Variants in HMCN1 observed in about 807,000 individuals in gnomAD.
The protein encoded by HMCN1 is hemicentin 1.
A neutral mutation model predicts 625.9 loss-of-function variants in HMCN1; 321 were observed. The observed-to-expected ratio is 0.51, with a 90% confidence interval of 0.47 to 0.56. The LOEUF is 0.56. HMCN1 is among the 20% of genes least tolerant of loss of function. The pLI, the probability that HMCN1 is intolerant of heterozygous loss-of-function variation, is 0.00. For missense variants in HMCN1, 6,588 were observed against 6,887.3 expected (o/e 0.96, Z 1.54); for synonymous variants, 2,425 against 2,417.6 (o/e 1.00, Z -0.09).
intron 49 of HMCN1, among the ~76,000 whole-genome samples, chr1:186,065,832 C>A (rs6425015): frequency 0.63 from 96,187 of 151,940 alleles, 32,646 homozygotes; most frequent in African/African-American, 0.9. Flanking sequence ...TGATGAAATA[C>A]CTGTCTGTTG....
chr1:186,155,866 G>A (rs1357485676), intron 97 of HMCN1, among the ~76,000 whole-genome samples: 1 of 152,274 alleles, frequency 6.6e-6, no homozygotes, highest in Non-Finnish European at 1.5e-5. Context: ...GTTCTGTCTA[G>A]ACTAGAGCTA....
At chr1:186,148,310 A>C (rs186944286) in intron 93 of HMCN1, among the ~76,000 whole-genome samples, 100 of 152,254 alleles carry the variant, frequency 6.6e-4, no homozygotes, top group African/African-American at 2.2e-3. Flanking sequence ...TCCTCCACTG[A>C]AGTCTTGAAA....
At chr1:186,049,414 T>C (rs917274406) in intron 42 of HMCN1, among the ~76,000 whole-genome samples, 1 of 151,862 alleles carries the variant, frequency 6.6e-6, no homozygotes, top group Non-Finnish European at 1.5e-5. Context: ...TCACATACTT[T>C]AAAAAACTCA....
At chr1:185,866,559 C>A (rs1663221475) in intron 4 of HMCN1, among the ~76,000 whole-genome samples, 1 of 151,766 alleles carries the variant, frequency 6.6e-6, no homozygotes, top group Non-Finnish European at 1.5e-5. Context: ...CGCCCACCAC[C>A]ACGCCCGGCT....
chr1:186,085,571 G>A (rs1037952587), intron 57 of HMCN1, among the ~76,000 whole-genome samples: 8 of 152,014 alleles, frequency 5.3e-5, no homozygotes, highest in Admixed American at 6.6e-5. Flanking sequence ...AATTTGCGGG[G>A]ACAGAAACAT....
At chr1:185,891,742 C>T (rs1665101683) in intron 4 of HMCN1, among the ~76,000 whole-genome samples, 1 of 148,314 alleles carries the variant, frequency 6.7e-6, no homozygotes, top group South Asian at 2.1e-4. Context: ...CTGCCCTTAA[C>T]ATTTTTTCCT....
chr1:185,840,371 CTTATA>C (rs1222986849), intron 1 of HMCN1, among the ~76,000 whole-genome samples: 1 of 152,074 alleles, frequency 6.6e-6, no homozygotes, highest in African/African-American at 2.4e-5. Flanking sequence ...ATTGATTTGT[CTTATA>C]TTAAGTGACT....
rs1558295965 is a variant in HMCN1 at position 186,190,472 on chromosome 1, GA to G, written c.*596del. ...ATCCCAAATGGTGCTTATCTTGATT[GA>G]ACATTCAGAACAAGGATATTATTTT... On this transcript the variant is annotated 3_prime_UTR_variant, in exon 107 of 107. Transcript: ENST00000271588. 1 of 199,408 alleles carries G rather than the reference GA, an allele frequency of 5.0e-6. No homozygotes were observed. Among genetic ancestry groups the G allele is most frequent in the Non-Finnish European group, 1.0e-5 (1 of 96,626 alleles). 12.4% of individuals were successfully genotyped at this position (199,408 alleles called of 1,614,324 possible).
At chr1:186,007,501 A>G (rs1435709304) in intron 30 of HMCN1, among the ~76,000 whole-genome samples, 2 of 152,182 alleles carry the variant, frequency 1.3e-5, no homozygotes, top group African/African-American at 4.8e-5. Flanking sequence ...CAAAAGATCT[A>G]GTGATTTTTA....
intron 102 of HMCN1, among the ~76,000 whole-genome samples, chr1:186,172,980 A>C (rs569779225): frequency 6.6e-6 from 1 of 152,148 alleles, no homozygotes; most frequent in African/African-American, 2.4e-5. Context: ...ATGTTACTAG[A>C]TGGAGATGAC....
Position 186,108,400 on chromosome 1 carries a change from A to C in HMCN1, c.10853-61A>C, listed in dbSNP as rs1660721132. On this transcript the variant is annotated intron_variant, in intron 70 of 106. Transcript: ENST00000271588. ...CTTATTATTTCATATAGCAGAACCA[A>C]CATTTTTTGGATACCTATGATAATA... 4 of 1,613,058 alleles carry C rather than the reference A, an allele frequency of 2.5e-6. No homozygotes were observed. In the African/African-American group the frequency reaches 5.3e-5, roughly 22 times the overall value.
intron 1 of HMCN1, among the ~76,000 whole-genome samples, chr1:185,812,167 A>G (rs952863961): frequency 3.9e-5 from 6 of 152,084 alleles, no homozygotes; most frequent in South Asian, 2.1e-4. Flanking sequence ...AGGGCAAGAT[A>G]TAAGTGATTA....
At chr1:186,157,479 CA>C (rs1250716221) in intron 97 of HMCN1, among the ~76,000 whole-genome samples, 1 of 152,140 alleles carries the variant, frequency 6.6e-6, no homozygotes, top group East Asian at 1.9e-4. Context: ...ATTTTGGGAA[CA>C]TTAAGCAACT....
chr1:185,997,556 A>G (rs765535151), intron 25 of HMCN1, 32 bp downstream of exon 25: 1 of 1,399,118 alleles, frequency 7.1e-7, no homozygotes, highest in Non-Finnish European at 1.0e-6. Flanking sequence ...AGGCATTGGC[A>G]TAATGTTATA....
chr1:185,895,528 G>C (rs1346165363), intron 4 of HMCN1, among the ~76,000 whole-genome samples: 2 of 152,190 alleles, frequency 1.3e-5, no homozygotes, highest in Non-Finnish European at 2.9e-5. Flanking sequence ...AGTTTGTACA[G>C]AGTGTGTGGC....
At chr1:185,916,333 C>A (rs903568211) in intron 6 of HMCN1, among the ~76,000 whole-genome samples, 1 of 152,054 alleles carries the variant, frequency 6.6e-6, no homozygotes, top group Non-Finnish European at 1.5e-5. Flanking sequence ...ATTCAAGATT[C>A]ATTACTTAAA....
intron 30 of HMCN1, 36 bp from the exon 31 acceptor site, chr1:186,015,123 T>G (rs748448585): frequency 1.3e-6 from 2 of 1,595,146 alleles, no homozygotes; most frequent in Non-Finnish European, 1.7e-6. Context: ...ATGCTGAAAC[T>G]TAGATGACTT....
At chr1:185,852,169 A>G (rs1016167907) in intron 2 of HMCN1, among the ~76,000 whole-genome samples, 7 of 151,988 alleles carry the variant, frequency 4.6e-5, no homozygotes, top group Non-Finnish European at 1.0e-4. Context: ...AATATGAAAT[A>G]CCCTCAGATA....
At chr1:185,902,358 C>G (rs1199644347) in intron 4 of HMCN1, among the ~76,000 whole-genome samples, 1 of 151,358 alleles carries the variant, frequency 6.6e-6, no homozygotes, top group African/African-American at 2.4e-5. Flanking sequence ...AAACTATGAC[C>G]CTTCCTCCCA....
Sources: gnomAD v4.1 joint callset for allele counts (sites outside exome capture counted in the v4.1 genomes callset) on GRCh38, gnomAD v4.1.1 for gene constraint, MANE v1.5 for transcripts, NCBI Gene and HGNC (gene_info 2026-07-23, HGNC 2026-07-21) for gene names.